The following ANKLE2 variants were observed in gnomAD, a reference collection of about 807,000 sequenced individuals.
ANKLE2 encodes the protein ankyrin repeat and LEM domain-containing protein 2.
In ANKLE2, 55 loss-of-function variants were observed where a neutral mutation model predicts 84.2. The ratio of observed to expected loss-of-function variants is 0.65; its 90% CI spans 0.53 to 0.82. ANKLE2 has a LOEUF of 0.82. ANKLE2 is among the 40% of genes least tolerant of loss of function. The pLI is 0.00. For synonymous variants in ANKLE2, 551 were observed against 486.1 expected, an observed-to-expected ratio of 1.13 and a Z score of -1.76; for missense variants, 1,238 against 1,201.9, an observed-to-expected ratio of 1.03 and a Z score of -0.44.
chr12:132,751,723 A>G (rs1261900898), intron 2 of ANKLE2, among the ~76,000 whole-genome samples: 1 of 151,538 alleles, frequency 6.6e-6, no homozygotes, highest in East Asian at 1.9e-4. Context: ...TTGTATTTTT[A>G]GTAGAGACGG....
chr12:132,752,286 G>T (rs1461370494), intron 2 of ANKLE2, among the ~76,000 whole-genome samples: 1 of 152,210 alleles, frequency 6.6e-6, no homozygotes, highest in African/African-American at 2.4e-5. Context: ...GTTGGAGTGA[G>T]CCAAGATCGC....
At chr12:132,727,958 T>G (rs1315702911) in intron 12 of ANKLE2, 74 bp downstream of exon 12, 4 of 1,535,444 alleles carry the variant, frequency 2.6e-6, no homozygotes, top group African/African-American at 2.8e-5. Flanking sequence ...TAGGTTCGCA[T>G]GAAGTGGAAC....
At chr12:132,733,051 C>T (rs1219404838) in intron 10 of ANKLE2, among the ~76,000 whole-genome samples, 7 of 113,500 alleles carry the variant, frequency 6.2e-5, no homozygotes, top group Non-Finnish European at 5.3e-5. Context: ...TGATATGCAC[C>T]GTGAAGCGCT....
chr12:132,743,084 TCACAGA>T lies in ANKLE2; in HGVS notation c.1353+64_1353+69del. 6.9e-7 allele frequency: 1 copy of T among 1,457,604 alleles called. No individual in the cohort carries two copies. The highest frequency in any genetic ancestry group is 9.2e-7 in the Non-Finnish European group (1 of 1,083,666). 90.3% of individuals were successfully genotyped at this position (1,457,604 alleles called of 1,614,324 possible). On this transcript the variant is annotated intron_variant, in intron 6 of 12. Transcript: ENST00000357997. This position sits in a 1 kb window ranked among gnomAD's most constrained non-coding sequence, Gnocchi z 4.1. The stretch of plus-strand genomic sequence containing the variant: ...CCTTGTGGCTTCCCTGTGCCTGTGA[TCACAGA>T]CTGTAAATTTATATATTTCCATTTC...
intron 5 of ANKLE2, among the ~76,000 whole-genome samples, chr12:132,747,270 G>A (rs1410015635): frequency 2.0e-5 from 3 of 150,578 alleles, no homozygotes; most frequent in Admixed American, 6.6e-5. Flanking sequence ...ACAGCCCTGC[G>A]TGTCAGGCAG....
chr12:132,731,698 G>C (rs532828148), intron 10 of ANKLE2: 1 of 152,272 alleles, frequency 6.6e-6, no homozygotes, highest in African/African-American at 2.4e-5. Context: ...ATCCACCCAC[G>C]TTGGCCTCCC....
At chr12:132,727,481 C>T in intron 12 of ANKLE2, 38 bp from the exon 13 acceptor site, 4 of 1,536,998 alleles carry the variant, frequency 2.6e-6, no homozygotes, top group Non-Finnish European at 3.5e-6. Flanking sequence ...CAGACGGGCA[C>T]AGGCCCGGAG....
At chr12:132,735,775 C>T (rs1052183643) in intron 8 of ANKLE2, among the ~76,000 whole-genome samples, 6 of 152,158 alleles carry the variant, frequency 3.9e-5, no homozygotes, top group African/African-American at 1.4e-4. Context: ...CAGGAGGGCC[C>T]GAGCACGAGG....
chr12:132,752,339 AAAT>A (rs1376621756), intron 2 of ANKLE2, among the ~76,000 whole-genome samples: 1 of 152,150 alleles, frequency 6.6e-6, no homozygotes, highest in Non-Finnish European at 1.5e-5. Flanking sequence ...ACTCTGTCTC[AAAT>A]AATAAGTAAA....
intron 11 of ANKLE2, among the ~76,000 whole-genome samples, chr12:132,729,032 T>C (rs2043767380): frequency 6.6e-6 from 1 of 151,902 alleles, no homozygotes; most frequent in African/African-American, 2.4e-5. Flanking sequence ...AGACAGGAAC[T>C]GAACGCACAC....
chr12:132,753,310 G>C (rs764209976), intron 2 of ANKLE2, among the ~76,000 whole-genome samples: 39 of 151,554 alleles, frequency 2.6e-4, no homozygotes, highest in Non-Finnish European at 5.6e-4. Context: ...GTGAGAGAGA[G>C]ACCCCAGTCT....
In ANKLE2 at chr12:132,733,467, C is replaced by T. The variant is rs192607784; in HGVS notation, c.1891+918G>A. 1.1e-3 allele frequency among the ~76,000 whole-genome samples: 152 copies of T among 144,040 alleles called. No homozygotes were observed. The East Asian group carries it at 0.011, about 11-fold the overall frequency. The allele number at this position is 144,040 out of a possible 152,430, so 94.5% of individuals were successfully genotyped here. A position where few individuals can be genotyped will look rare whatever the true frequency, so the allele number is the denominator to read the frequency against. On this transcript the variant is annotated intron_variant, in intron 10 of 12. Coordinates refer to ENST00000357997, the MANE Select transcript of ANKLE2 (RefSeq NM_015114.3). ...CTGCGTGCTGGTGTCTGATATACCCCGTGTGAAGCACTGCGCGTCCTGGTG... is the reference window on the plus strand; with the variant it reads ...CTGCGTGCTGGTGTCTGATATACCCTGTGTGAAGCACTGCGCGTCCTGGTG...
Position 132,736,780 on chromosome 12 carries a change from G to T in ANKLE2, c.1593+113C>A, listed in dbSNP as rs1359277735. The T allele has an allele frequency of 4.0e-6, 5 of 1,261,572 alleles. No individual in the cohort carries two copies. The East Asian group carries it at 7.3e-5, about 18-fold the overall frequency. 78.1% of individuals were successfully genotyped at this position (1,261,572 alleles called of 1,614,324 possible). On this transcript the variant is annotated intron_variant, in intron 8 of 12. Coordinates refer to ENST00000357997, the MANE Select transcript of ANKLE2 (RefSeq NM_015114.3). The stretch of plus-strand genomic sequence containing the variant: ...GGTTTGAGATGAGGACAACCTTGGG[G>T]CTCCACAGGACATGGTCCCTGAGAC...
At chr12:132,759,550 G>A (rs1295427506) in intron 1 of ANKLE2, 1 of 151,996 alleles carries the variant, frequency 6.6e-6, no homozygotes, top group Admixed American at 6.6e-5. Flanking sequence ...TGATATACAC[G>A]TATCATATGC....
intron 12 of ANKLE2, 101 bp downstream of exon 12, chr12:132,727,931 T>C (rs2043742991): frequency 4.1e-6 from 6 of 1,475,382 alleles, no homozygotes; most frequent in East Asian, 4.7e-5. Flanking sequence ...CCTGCCAGCG[T>C]TGGGAAAAGC....
At chr12:132,740,812 G>A (rs994636932) in intron 7 of ANKLE2, among the ~76,000 whole-genome samples, 2 of 89,304 alleles carry the variant, frequency 2.2e-5, no homozygotes, top group Middle Eastern at 0.014. Flanking sequence ...GGCCCAGAAA[G>A]CAAAGGCCTC....
chr12:132,749,885 C>T (rs2044320301), intron 3 of ANKLE2, among the ~76,000 whole-genome samples: 1 of 152,106 alleles, frequency 6.6e-6, no homozygotes, highest in African/African-American at 2.4e-5. Flanking sequence ...GTTTCAGGAT[C>T]CAAAAAGGCG....
Position 132,750,712 on chromosome 12 carries a change from G to C in ANKLE2, c.778C>G (p.Pro260Ala), listed in dbSNP as rs773177486. The change falls in exon 3 of 13, where the codon CCA (proline) becomes GCA (alanine). Residue 260 changes from proline (P) to alanine (A), a missense_variant. Physicochemically the swap from Pro to Ala is conservative, Grantham distance 27. Coordinates refer to ENST00000357997, the MANE Select transcript of ANKLE2 (RefSeq NM_015114.3). Reference protein sequence around the residue: ...ARGICDYFPSPSKTSLPLSPV... With the variant: ...ARGICDYFPSASKTSLPLSPV... Reference sequence around the variant, plus strand: ...GACAGTGGTAAGGACGTTTTGCTTGGAGAAGGGAAATAATCACAAATTCCT... The same window carrying C: ...GACAGTGGTAAGGACGTTTTGCTTGCAGAAGGGAAATAATCACAAATTCCT... 1 of 1,614,232 alleles carries C rather than the reference G, an allele frequency of 6.2e-7. No homozygotes were observed. The highest frequency in any genetic ancestry group is 8.5e-7 in the Non-Finnish European group (1 of 1,180,042).
At position 132,727,143 on chromosome 12, in the gene ANKLE2, AATTT is replaced by A; in HGVS notation, c.*95_*98del. 1 of 1,240,868 alleles carries A rather than the reference AATTT, an allele frequency of 8.1e-7. No individual in the cohort carries two copies. Among genetic ancestry groups the A allele is most frequent in the Non-Finnish European group, 1.1e-6 (1 of 926,190 alleles). 76.9% of individuals were successfully genotyped at this position (1,240,868 alleles called of 1,614,324 possible). A position where few individuals can be genotyped will look rare whatever the true frequency, so the allele number is the denominator to read the frequency against. ...TCACACCCTCAAAGTGAGGAGTAATAATTTAATCAGAATATATTCCTTTTTGACA... is the reference window on the plus strand; with the variant it reads ...TCACACCCTCAAAGTGAGGAGTAATAAATCAGAATATATTCCTTTTTGACA... On this transcript the variant is annotated 3_prime_UTR_variant, in exon 13 of 13. Transcript: ENST00000357997.
Sources: allele counts gnomAD v4.1 joint callset (sites outside exome capture counted in the v4.1 genomes callset), GRCh38; gene constraint gnomAD v4.1.1; non-coding constraint Gnocchi (gnomAD v3.1); transcripts MANE v1.5; gene names NCBI Gene and HGNC (gene_info 2026-07-23, HGNC 2026-07-21).